The following GANAB variants were observed in gnomAD, a reference collection of about 807,000 sequenced individuals.
GANAB encodes the protein neutral alpha-glucosidase AB.
A neutral mutation model predicts 129.9 loss-of-function variants in GANAB; 35 were observed. That is an observed-to-expected ratio of 0.27 (90% CI 0.21 to 0.36). GANAB has a LOEUF of 0.36. Among genes scored for constraint, GANAB ranks in the 10% least tolerant of loss-of-function variants. The pLI, the probability that GANAB is intolerant of heterozygous loss-of-function variation, is 1.00. For missense variants in GANAB, 939 were observed against 1,221.0 expected (o/e 0.77, Z 3.44); for synonymous variants, 482 against 451.8 (o/e 1.07, Z -0.85).
chr11:62,627,673 T>G (rs1444361361), intron 17 of GANAB, among the ~76,000 whole-genome samples: 3 of 151,774 alleles, frequency 2.0e-5, no homozygotes, highest in Non-Finnish European at 2.9e-5. Flanking sequence ...CGGAGTGCAT[T>G]CAGTGAGCCA....
chr11:62,629,170 A>G, intron 16 of GANAB, 24 bp downstream of exon 16: 1 of 1,581,658 alleles, frequency 6.3e-7, no homozygotes, highest in Non-Finnish European at 8.7e-7. Flanking sequence ...CCAAACCAAG[A>G]CCCCAAATTC....
At chr11:62,639,222 GC>G in intron 3 of GANAB, 112 bp from the exon 4 acceptor site, 1 of 1,353,172 alleles carries the variant, frequency 7.4e-7, no homozygotes, top group Non-Finnish European at 1.0e-6. Context: ...TTGCCTAAAG[GC>G]CAAGATCACA....
intron 2 of GANAB, 79 bp downstream of exon 2, chr11:62,639,547 AG>A: frequency 7.0e-7 from 1 of 1,420,874 alleles, no homozygotes; most frequent in Non-Finnish European, 1.0e-6. Context: ...CAGTGTCCTT[AG>A]GCACTCCATC....
chr11:62,632,522 G>C (rs1328034755), intron 9 of GANAB, 43 bp downstream of exon 9: 1 of 1,522,926 alleles, frequency 6.6e-7, no homozygotes, highest in South Asian at 1.1e-5. Context: ...CTCAAGGCCT[G>C]GAAGCTTCAC....
rs991551187 is a variant in GANAB at position 62,639,590 on chromosome 11, C to G, written c.143+37G>C. 3 of 1,511,024 alleles carry G rather than the reference C, an allele frequency of 2.0e-6. No individual in the cohort carries two copies. The African/African-American group carries it at 4.1e-5, about 21-fold the overall frequency. The allele number at this position is 1,511,024 out of a possible 1,614,324, so 93.6% of individuals were successfully genotyped here. On this transcript the variant is annotated intron_variant, in intron 2 of 23. Transcript: ENST00000356638. ...AGATATCTCCCACATTACCCTACAACCCTACATTCCATCCCTCTCCCCCAG... is the reference window on the plus strand; with the variant it reads ...AGATATCTCCCACATTACCCTACAAGCCTACATTCCATCCCTCTCCCCCAG...
At chr11:62,634,746 T>C in intron 5 of GANAB, 75 bp downstream of exon 5, 3 of 1,233,952 alleles carry the variant, frequency 2.4e-6, no homozygotes, top group Non-Finnish European at 3.5e-6. Context: ...CACCGTCTCC[T>C]CCCCGTGCCA....
At chr11:62,631,466 TTC>T (rs1184896420) in intron 9 of GANAB, among the ~76,000 whole-genome samples, 3 of 150,206 alleles carry the variant, frequency 2.0e-5, no homozygotes, top group African/African-American at 7.3e-5. Flanking sequence ...TCATCTTGCA[TTC>T]TTTTTTTTTT....
intron 18 of GANAB, 80 bp downstream of exon 18, chr11:62,627,209 G>C: frequency 7.2e-7 from 1 of 1,395,384 alleles, no homozygotes; most frequent in East Asian, 2.3e-5. Context: ...TGCACCACCA[G>C]CTTCACTAGT....
At position 62,639,388 on chromosome 11, in the gene GANAB, T is replaced by C. The variant is rs149180702; in HGVS notation, c.223A>G (p.Thr75Ala). The change falls in exon 3 of 24, where the codon ACG becomes GCG. Residue 75 changes from threonine to alanine, a missense_variant. Thr to Ala is a moderately conservative substitution (Grantham distance 58). Around this residue, in one of 5 missense-constraint regions of GANAB, gnomAD observed 321 missense variants for 329.1 expected, o/e 0.98. Transcript: ENST00000356638. ...DSLQLGPDSL[T>A]VHLIHEVTKV... ...GTGACCTCATGGATCAGATGGACCG[T>C]GAGGGAATCAGGACCAAGCTGTAGA... 1.1e-4 allele frequency: 182 copies of C among 1,611,756 alleles called. No homozygotes were observed. The African/African-American group carries it at 2.4e-3, about 21-fold the overall frequency.
chr11:62,645,423 C>A (rs1443570540), intron 1 of GANAB, among the ~76,000 whole-genome samples: 1 of 151,882 alleles, frequency 6.6e-6, no homozygotes, highest in Non-Finnish European at 1.5e-5. Context: ...GTAGTCCCAG[C>A]TACTCGGGAG....
chr11:62,639,276 A>G, intron 3 of GANAB, 83 bp downstream of exon 3: 1 of 1,262,428 alleles, frequency 7.9e-7, no homozygotes, highest in Non-Finnish European at 1.2e-6. Flanking sequence ...CTGGGACAAG[A>G]TGTTGGCCAC....
At chr11:62,625,998 G>C in intron 23 of GANAB, 67 bp downstream of exon 23, 2 of 1,466,902 alleles carry the variant, frequency 1.4e-6, no homozygotes, top group Non-Finnish European at 1.9e-6. Flanking sequence ...CTACAGGCAA[G>C]GGCATCCCTA....
intron 1 of GANAB, 30 bp downstream of exon 1, chr11:62,646,532 G>A (rs1023432244): frequency 6.2e-7 from 1 of 1,610,114 alleles, no homozygotes; most frequent in East Asian, 2.2e-5. Flanking sequence ...GGGGCGTCCC[G>A]GGCGCGCCCC....
chr11:62,635,443 G>A (rs928952949), intron 4 of GANAB, among the ~76,000 whole-genome samples: 2 of 152,024 alleles, frequency 1.3e-5, no homozygotes, highest in Non-Finnish European at 2.9e-5. Context: ...GCCTCGCAAA[G>A]TGCTGGGATT....
chr11:62,629,953 G>A lies in GANAB; in HGVS notation c.1598C>T (p.Ser533Leu). Residue 533 changes from serine to leucine, a missense_variant, in exon 14 of 24, where the codon TCA (serine) becomes TTA (leucine). Coordinates refer to ENST00000356638, the MANE Select transcript of GANAB (RefSeq NM_198334.3). Reference protein sequence around the residue: ...NMFSYDNYEGSAPNLFVWNDM... With the variant: ...NMFSYDNYEGLAPNLFVWNDM... Reference sequence around the variant, plus strand: ...ATTCCAGACAAAGAGGTTGGGAGCTGAGCCCTGGGAACGTGGGCAGAAAAT... The same window carrying A: ...ATTCCAGACAAAGAGGTTGGGAGCTAAGCCCTGGGAACGTGGGCAGAAAAT... 1 of 1,614,080 alleles carries A rather than the reference G, an allele frequency of 6.2e-7. No homozygotes were observed. The highest frequency in any genetic ancestry group is 8.5e-7 in the Non-Finnish European group (1 of 1,179,926).
chr11:62,625,962 T>C, intron 23 of GANAB, 38 bp from the exon 24 acceptor site: 1 of 1,481,656 alleles, frequency 6.7e-7, no homozygotes, highest in East Asian at 2.3e-5. Context: ...GTCATACCAA[T>C]GGGCTATAGC....
intron 1 of GANAB, 62 bp downstream of exon 1, chr11:62,646,500 G>A: frequency 6.4e-7 from 1 of 1,561,688 alleles, no homozygotes; most frequent in Non-Finnish European, 8.8e-7. Context: ...AGGAAGGAGT[G>A]GAATGGGACT....
intron 1 of GANAB, among the ~76,000 whole-genome samples, chr11:62,644,164 G>A (rs1428397176): frequency 5.9e-5 from 9 of 152,034 alleles, no homozygotes; most frequent in East Asian, 2.0e-4. Context: ...GGCTGGTCTC[G>A]AACTCCCAAC....
intron 4 of GANAB, among the ~76,000 whole-genome samples, chr11:62,638,580 GAGGAAGGAAGGAAGGAAGGAAGGA>G (rs71056537): frequency 0.36 from 51,719 of 143,840 alleles, 10,853 homozygotes; most frequent in South Asian, 0.52. Context: ...AAAAGGAAAG[GAGGAAGGAAGGAAGGAAGGAAGGA>G]AGGAAGGAAG....
Sources: allele counts gnomAD v4.1 joint callset (sites outside exome capture counted in the v4.1 genomes callset), GRCh38; gene constraint gnomAD v4.1.1; regional missense constraint gnomAD v4.1.1; transcripts MANE v1.5; gene names NCBI Gene and HGNC (gene_info 2026-07-23, HGNC 2026-07-21).